The following EWSR1 variants were observed in gnomAD, a reference collection of about 807,000 sequenced individuals.
EWSR1 encodes the protein RNA-binding protein EWS.
Under a neutral mutation model 92.1 loss-of-function variants are expected in EWSR1, and 14 were observed. The ratio of observed to expected loss-of-function variants is 0.15; its 90% CI spans 0.10 to 0.24. The LOEUF is 0.24. EWSR1 is among the 10% of genes least tolerant of loss of function. EWSR1 has a pLI of 1.00. For missense variants in EWSR1, 637 were observed against 870.9 expected (o/e 0.73, Z 3.38); for synonymous variants, 303 against 292.9 (o/e 1.03, Z -0.35).
intron 4 of EWSR1, chr22:29,275,702 G>A (rs1227437880): frequency 4.4e-6 from 1 of 229,180 alleles, no homozygotes; most frequent in Non-Finnish European, 8.6e-6. Context: ...GTCATTGGAG[G>A]GAATACATAG....
At position 29,299,954 on chromosome 22, in the gene EWSR1, A is replaced by G. The variant is rs533175309; in HGVS notation, c.1931+103A>G. On this transcript the variant is annotated intron_variant, in intron 16 of 16. Coordinates refer to ENST00000397938, the MANE Select transcript of EWSR1 (RefSeq NM_005243.4). ...TCCTCATGTCTCTAGGAAGCTTGTG[A>G]TAGTGGTTGGGAGGAGCCAGGAAGG... 20 of 1,535,834 alleles carry G rather than the reference A, an allele frequency of 1.3e-5. No individual in the cohort carries two copies. The Admixed American group carries it at 4.1e-4, about 32-fold the overall frequency.
chr22:29,286,712 A>AAT lies in EWSR1; in HGVS notation c.582-211_582-210insAT, dbSNP rs1569089882. On this transcript the variant is annotated intron_variant, in intron 6 of 16. Coordinates refer to ENST00000397938, the MANE Select transcript of EWSR1 (RefSeq NM_005243.4). The stretch of plus-strand genomic sequence containing the variant: ...AAAAAAAAAAAAAAAAAAAAAAAAA[A>AAT]TTTTTTTGTTTTACCCTCCCATTTA... Among the ~76,000 whole-genome samples, 4 of 121,396 alleles carry AAT rather than the reference A, an allele frequency of 3.3e-5. No individual in the cohort carries two copies. The Admixed American group carries it at 3.4e-4, about 10-fold the overall frequency. The allele number at this position is 121,396 out of a possible 152,430, so 79.6% of individuals were successfully genotyped here. A position where few individuals can be genotyped will look rare whatever the true frequency, so the allele number is the denominator to read the frequency against.
chr22:29,280,863 T>G (rs1569072864), intron 5 of EWSR1, among the ~76,000 whole-genome samples: 3 of 7,368 alleles, frequency 4.1e-4, no homozygotes, highest in East Asian at 0.014. Context: ...GTGTGTGTTG[T>G]TTTTTTTTTT....
In EWSR1 at chr22:29,283,617, C is replaced by T. The variant is rs757058781; in HGVS notation, c.581+1060C>T. ...CTCGGCTTACTGCAGTTTCCACCTC[C>T]TGGGTTCAAGTGATTCTCCTGCTTC... On this transcript the variant is annotated intron_variant, in intron 6 of 16. Coordinates refer to ENST00000397938, the MANE Select transcript of EWSR1 (RefSeq NM_005243.4). Among the ~76,000 whole-genome samples the T allele has an allele frequency of 2.0e-4, 30 of 150,972 alleles. 1 individual carries two copies. The highest frequency in any genetic ancestry group is 3.7e-4 in the Non-Finnish European group (25 of 67,972).
At chr22:29,291,990 C>T (rs1474719337) in intron 9 of EWSR1, 147 bp from the exon 10 acceptor site, 4 of 741,902 alleles carry the variant, frequency 5.4e-6, no homozygotes, top group Non-Finnish European at 7.1e-6. Flanking sequence ...TAAAGAGACA[C>T]TGCTCCATTT....
Position 29,288,623 on chromosome 22 carries a change from C to T in EWSR1, c.811C>T (p.His271Tyr). ...TTCCTCAGGTTCATTCCGACAGGAC[C>T]ACCCCAGTAGCATGGGTGTTTATGG... ...YGQQSSFRQD[H>Y]PSSMGVYGQE... Residue 271 changes from histidine to tyrosine, a missense_variant, in exon 8 of 17, where the codon CAC (histidine) becomes TAC (tyrosine). Around this residue, in one of 5 missense-constraint regions of EWSR1, gnomAD observed 116 missense variants for 167.8 expected, o/e 0.69. Coordinates refer to ENST00000397938, the MANE Select transcript of EWSR1 (RefSeq NM_005243.4). 1 of 1,611,954 alleles carries T rather than the reference C, an allele frequency of 6.2e-7. No individual in the cohort carries two copies. Among genetic ancestry groups the T allele is most frequent in the Non-Finnish European group, 8.5e-7 (1 of 1,179,262 alleles).
At chr22:29,296,811 T>C (rs2060896549) in intron 12 of EWSR1, among the ~76,000 whole-genome samples, 1 of 152,088 alleles carries the variant, frequency 6.6e-6, no homozygotes, top group Non-Finnish European at 1.5e-5. Context: ...GAGGCCAACA[T>C]CGGTGCATTG....
chr22:29,272,521 G>A, intron 3 of EWSR1, 90 bp downstream of exon 3: 1 of 1,323,666 alleles, frequency 7.6e-7, no homozygotes. Flanking sequence ...TAAAACAAAT[G>A]AGTAATGTGT....
chr22:29,277,672 CTTG>C (rs1299032487), intron 4 of EWSR1: 3 of 247,508 alleles, frequency 1.2e-5, no homozygotes, highest in African/African-American at 6.6e-5. Flanking sequence ...TGTTTACAAA[CTTG>C]TTAAGACGAC....
chr22:29,296,333 C>T lies in EWSR1; in HGVS notation c.1259C>T (p.Pro420Leu). 6.2e-7 allele frequency: 1 copy of T among 1,614,188 alleles called. No individual in the cohort carries two copies. Among genetic ancestry groups the T allele is most frequent in the South Asian group, 1.1e-5 (1 of 91,080 alleles). Residue 420 changes from proline (P) to leucine (L), a missense_variant, in exon 12 of 17, where the codon CCA becomes CTA. This residue lies in a region of EWSR1 where 363 missense variants were observed against 447.8 expected (regional missense o/e 0.81). Coordinates refer to ENST00000397938, the MANE Select transcript of EWSR1 (RefSeq NM_005243.4). Reference protein sequence around the residue: ...KGDATVSYEDPPTAKAAVEWF... With the variant: ...KGDATVSYEDLPTAKAAVEWF... ...GATGCCACAGTGTCCTATGAAGACC[C>T]ACCCACTGCCAAGGCTGCCGTGGAA...
chr22:29,272,118 T>G (rs1259617378), intron 1 of EWSR1, 98 bp from the exon 2 acceptor site: 6 of 1,114,470 alleles, frequency 5.4e-6, no homozygotes, highest in Admixed American at 1.8e-5. Context: ...CCCTACAGTT[T>G]AAAGAATTCT....
rs776012750 is a variant in EWSR1, at chr22:29,274,270, G to A, written c.226+406G>A. On this transcript the variant is annotated intron_variant, in intron 4 of 16. Transcript: ENST00000397938. ...TTGTTTTGTGCTTTCCACAGTAGAA[G>A]GGACCAGTACAGGTTTGACTATCCT... 4 of 1,613,898 alleles carry A rather than the reference G, an allele frequency of 2.5e-6. No homozygotes were observed. The East Asian group carries it at 8.9e-5, about 36-fold the overall frequency.
At chr22:29,290,283 G>A in intron 8 of EWSR1, 1 of 779,852 alleles carries the variant, frequency 1.3e-6, no homozygotes, top group East Asian at 2.8e-5. Context: ...ATGGTTTTCA[G>A]TGTCTTGTAC....
intron 12 of EWSR1, among the ~76,000 whole-genome samples, chr22:29,297,223 T>G (rs779205944): frequency 6.6e-6 from 1 of 152,218 alleles, no homozygotes; most frequent in Non-Finnish European, 1.5e-5. Context: ...CCATCTCAGC[T>G]TACTGCAACC....
chr22:29,276,434 C>T (rs558099231), intron 4 of EWSR1: 1 of 221,648 alleles, frequency 4.5e-6, no homozygotes, highest in South Asian at 1.8e-4. Flanking sequence ...TCAGAATTTC[C>T]TTTTAATATT....
intron 15 of EWSR1, 43 bp downstream of exon 15, chr22:29,299,374 T>G: frequency 1.9e-6 from 3 of 1,585,626 alleles, no homozygotes. Context: ...TTCCTGGTGC[T>G]AAACCTCTTT....
chr22:29,299,434 T>C, intron 15 of EWSR1, 103 bp downstream of exon 15: 1 of 1,504,056 alleles, frequency 6.6e-7, no homozygotes, highest in Non-Finnish European at 8.9e-7. Context: ...TTAACAACTT[T>C]GAGTTGTCGT....
At chr22:29,295,704 T>C (rs1466071547) in intron 11 of EWSR1, 1 of 223,446 alleles carries the variant, frequency 4.5e-6, no homozygotes, top group Non-Finnish European at 8.9e-6. Flanking sequence ...AAGATATTCT[T>C]ATACAAGGTA....
At position 29,278,251 on chromosome 22, in the gene EWSR1, T is replaced by C. The variant is rs186277686; in HGVS notation, c.413+35T>C. ...TGGTGTCCTTAATGCGTCAGTCTTATGTTGGAGGGAAAGAAAGCAACTGTG... is the reference window on the plus strand; with the variant it reads ...TGGTGTCCTTAATGCGTCAGTCTTACGTTGGAGGGAAAGAAAGCAACTGTG... On this transcript the variant is annotated intron_variant, in intron 5 of 16. Coordinates refer to ENST00000397938, the MANE Select transcript of EWSR1 (RefSeq NM_005243.4). The C allele has an allele frequency of 5.8e-4, 918 of 1,594,502 alleles. 1 individual carries two copies. The highest frequency in any genetic ancestry group is 1.0e-3 in the Middle Eastern group (6 of 5,982).
Sources: allele counts gnomAD v4.1 joint callset (sites outside exome capture counted in the v4.1 genomes callset), GRCh38; gene constraint gnomAD v4.1.1; regional missense constraint gnomAD v4.1.1; transcripts MANE v1.5; gene names NCBI Gene and HGNC (gene_info 2026-07-23, HGNC 2026-07-21).